NAALADL2: variants seen among roughly 807,000 people sequenced by gnomAD.
NAALADL2 encodes N-acetylated alpha-linked acidic dipeptidase like 2, also known as inactive N-acetylated-alpha-linked acidic dipeptidase-like protein 2.
Under a neutral mutation model 87.2 loss-of-function variants are expected in NAALADL2, and 76 were observed. The observed-to-expected ratio is 0.87, with a 90% confidence interval of 0.72 to 1.05. The LOEUF is 1.05. Ranked by LOEUF, NAALADL2 falls within the 50% of genes least tolerant of loss-of-function variation. The pLI is 0.00. For synonymous variants in NAALADL2, 354 were observed against 331.0 expected (o/e 1.07, Z -0.75); for missense variants, 1,089 against 945.8 (o/e 1.15, Z -1.99).
intron 11 of NAALADL2, among the ~76,000 whole-genome samples, chr3:175,647,324 G>T (rs962891764): frequency 6.6e-6 from 1 of 151,982 alleles, no homozygotes; most frequent in Non-Finnish European, 1.5e-5. Context: ...GATTCAGTGG[G>T]TACATGTGCA....
intron 5 of NAALADL2, among the ~76,000 whole-genome samples, chr3:175,369,065 C>G (rs138857858): frequency 6.6e-6 from 1 of 152,086 alleles, no homozygotes; most frequent in Non-Finnish European, 1.5e-5. Flanking sequence ...TTAGGTTACA[C>G]TAAATTTGTT....
At chr3:174,550,321 A>G (rs1711968346) in intron 1 of NAALADL2, among the ~76,000 whole-genome samples, 1 of 152,068 alleles carries the variant, frequency 6.6e-6, no homozygotes, top group African/African-American at 2.4e-5. Flanking sequence ...AAATATGGGG[A>G]AAAATCATCC....
At chr3:174,809,652 T>TA (rs1719930941) in intron 3 of NAALADL2, among the ~76,000 whole-genome samples, 1 of 151,588 alleles carries the variant, frequency 6.6e-6, no homozygotes, top group Non-Finnish European at 1.5e-5. Context: ...TGGACTGACT[T>TA]TTTTTTTACT....
At chr3:175,164,147 G>GT (rs994568162) in intron 2 of NAALADL2, among the ~76,000 whole-genome samples, 14 of 151,368 alleles carry the variant, frequency 9.2e-5, no homozygotes, top group South Asian at 2.1e-4. Flanking sequence ...TCCATTTTTT[G>GT]TTTTTTTGAC....
chr3:174,816,180 A>G (rs1186412064), intron 3 of NAALADL2, among the ~76,000 whole-genome samples: 1 of 151,706 alleles, frequency 6.6e-6, no homozygotes. Flanking sequence ...TTCTCTTTCC[A>G]TTCTACTCCT....
intron 4 of NAALADL2, among the ~76,000 whole-genome samples, chr3:175,274,255 A>G (rs1753267068): frequency 6.6e-6 from 1 of 152,202 alleles, no homozygotes; most frequent in Non-Finnish European, 1.5e-5. Context: ...CTTATTCATT[A>G]TCATGAGAAC....
At chr3:174,898,338 G>T (rs1468221886) in intron 1 of NAALADL2, among the ~76,000 whole-genome samples, 4 of 151,330 alleles carry the variant, frequency 2.6e-5, no homozygotes, top group African/African-American at 4.8e-5. Flanking sequence ...GAAGGGTAGA[G>T]GGGGGTTAGG....
intron 2 of NAALADL2, among the ~76,000 whole-genome samples, chr3:175,222,977 A>G (rs1165766177): frequency 2.0e-5 from 3 of 152,134 alleles, no homozygotes; most frequent in African/African-American, 4.8e-5. Context: ...TTATTGAAGT[A>G]TAATTGACAA....
chr3:174,766,352 A>G (rs1713802133), intron 3 of NAALADL2, among the ~76,000 whole-genome samples: 1 of 152,064 alleles, frequency 6.6e-6, no homozygotes, highest in Admixed American at 6.5e-5. Flanking sequence ...GGCATTTTTG[A>G]TCTTCACCTT....
chr3:174,630,123 A>G (rs566433765), intron 2 of NAALADL2, among the ~76,000 whole-genome samples: 1 of 152,300 alleles, frequency 6.6e-6, no homozygotes, highest in South Asian at 2.1e-4. Context: ...ACTAAACTGC[A>G]TATTTCTGAA....
chr3:175,497,056 C>A (rs187926840), intron 9 of NAALADL2, among the ~76,000 whole-genome samples: 1 of 151,878 alleles, frequency 6.6e-6, no homozygotes, highest in African/African-American at 2.4e-5. Flanking sequence ...AACCAAATGG[C>A]GTGTAGTGTT....
At chr3:175,256,651 G>T in intron 4 of NAALADL2, 121 bp downstream of exon 4, 9 of 872,442 alleles carry the variant, frequency 1.0e-5, no homozygotes, top group Non-Finnish European at 1.5e-5. Flanking sequence ...GAGAGAAGGG[G>T]AGAGGAAGAA....
At chr3:174,695,509 C>T (rs1407892268) in intron 2 of NAALADL2, among the ~76,000 whole-genome samples, 1 of 151,928 alleles carries the variant, frequency 6.6e-6, no homozygotes, top group Non-Finnish European at 1.5e-5. Flanking sequence ...AATTTCCCAA[C>T]AAGGATGTCA....
At chr3:174,784,318 T>A (rs1716345644) in intron 3 of NAALADL2, among the ~76,000 whole-genome samples, 1 of 152,212 alleles carries the variant, frequency 6.6e-6, no homozygotes, top group Non-Finnish European at 1.5e-5. Flanking sequence ...ATCAGAGGTG[T>A]ATTTGTCTAA....
At chr3:175,137,524 CTT>C (rs1187934707) in intron 2 of NAALADL2, among the ~76,000 whole-genome samples, 1 of 151,546 alleles carries the variant, frequency 6.6e-6, no homozygotes, top group African/African-American at 2.4e-5. Context: ...TATAAATAAT[CTT>C]ATACATAAAA....
intron 11 of NAALADL2, chr3:175,718,195 GTTTTTTTTTTTTTT>G: frequency 1.1e-5 from 9 of 823,388 alleles, no homozygotes; most frequent in East Asian, 1.0e-4. Flanking sequence ...AGGGCCTGTG[GTTTTTTTTTTTTTT>G]TTTTTTTTTT....
chr3:175,046,356 C>T (rs1305732703), intron 1 of NAALADL2, among the ~76,000 whole-genome samples: 1 of 152,060 alleles, frequency 6.6e-6, no homozygotes, highest in African/African-American at 2.4e-5. Context: ...GATTTATTAC[C>T]TTTGTTTCCT....
chr3:175,201,422 C>G (rs1271587282), intron 2 of NAALADL2, among the ~76,000 whole-genome samples: 1 of 152,066 alleles, frequency 6.6e-6, no homozygotes, highest in South Asian at 2.1e-4. Flanking sequence ...TAATTTTTCC[C>G]CTATGGAAAA....
chr3:175,786,434 CTTCATTTCATTCAT>C (rs999914391), intron 13 of NAALADL2, among the ~76,000 whole-genome samples: 1 of 152,062 alleles, frequency 6.6e-6, no homozygotes, highest in African/African-American at 2.4e-5. Flanking sequence ...TTCCCTTCTC[CTTCATTTCATTCAT>C]TTCATCTTCC....
Sources: gnomAD v4.1 joint callset for allele counts (sites outside exome capture counted in the v4.1 genomes callset) on GRCh38, gnomAD v4.1.1 for gene constraint, MANE v1.5 for transcripts, NCBI Gene and HGNC (gene_info 2026-07-23, HGNC 2026-07-21) for gene names.